USP2: variants seen among roughly 807,000 people sequenced by gnomAD.
USP2 encodes ubiquitin specific peptidase 2.
A neutral mutation model predicts 72.0 loss-of-function variants in USP2; 33 were observed. The observed-to-expected ratio is 0.46, with a 90% CI of 0.35 to 0.61. The LOEUF (loss-of-function observed/expected upper bound fraction) is 0.61. Among genes scored for constraint, USP2 ranks in the 20% least tolerant of loss-of-function variants. The pLI is 0.01. For synonymous variants in USP2, 296 were observed against 312.5 expected (o/e 0.95, Z 0.56); for missense variants, 691 against 797.8 (o/e 0.87, Z 1.61).
At chr11:119,356,962 C>G (rs377727221) in intron 12 of USP2, 40 bp from the exon 13 acceptor site, 3 of 1,545,206 alleles carry the variant, frequency 1.9e-6, no homozygotes, top group African/African-American at 2.7e-5. Context: ...GCGGGCAGGA[C>G]CGGGAGACCC....
intron 12 of USP2, 112 bp from the exon 13 acceptor site, chr11:119,357,034 C>T (rs1315527158): frequency 2.8e-6 from 4 of 1,420,408 alleles, no homozygotes; most frequent in African/African-American, 3.0e-5. Context: ...AGCCTCCCCA[C>T]GGGCAGCGGC....
chr11:119,381,339 T>C, intron 1 of USP2, 134 bp downstream of exon 1: 1 of 1,018,786 alleles, frequency 9.8e-7, no homozygotes. Flanking sequence ...GGAGCGTCCC[T>C]GCACAGCCGG....
At chr11:119,364,092 C>T (rs1950812290) in intron 2 of USP2, 1 of 1,257,476 alleles carries the variant, frequency 8.0e-7, no homozygotes, top group East Asian at 3.2e-5. Context: ...GACGCCGAGG[C>T]CGGCGAGACC....
At chr11:119,378,915 G>T (rs928056588) in intron 1 of USP2, 2 of 938,450 alleles carry the variant, frequency 2.1e-6, no homozygotes, top group African/African-American at 3.6e-5. Context: ...GCCCAATGGG[G>T]TGGCCTCTCA....
intron 1 of USP2, among the ~76,000 whole-genome samples, chr11:119,381,097 C>G (rs1565316328): frequency 6.6e-6 from 1 of 152,204 alleles, no homozygotes; most frequent in Non-Finnish European, 1.5e-5. Flanking sequence ...CCCTAACCCC[C>G]TTTAGCAAAC....
At chr11:119,368,999 G>A (rs549127007) in intron 2 of USP2, among the ~76,000 whole-genome samples, 20 of 152,350 alleles carry the variant, frequency 1.3e-4, no homozygotes, top group African/African-American at 4.8e-4. Flanking sequence ...TAGACCCCGG[G>A]AACAGGAGAA....
chr11:119,371,219 C>G (rs1950921606), intron 2 of USP2, among the ~76,000 whole-genome samples: 1 of 152,124 alleles, frequency 6.6e-6, no homozygotes, highest in Admixed American at 6.5e-5. Flanking sequence ...TGAAACAACC[C>G]TTCTCTTCTG....
At chr11:119,370,936 G>C (rs927497982) in intron 2 of USP2, among the ~76,000 whole-genome samples, 5 of 152,174 alleles carry the variant, frequency 3.3e-5, no homozygotes, top group Non-Finnish European at 5.9e-5. Flanking sequence ...TGCCTGTGTG[G>C]GGAGGAGGCA....
intron 1 of USP2, chr11:119,380,863 TC>T (rs1374395860): frequency 6.4e-6 from 1 of 155,482 alleles, no homozygotes; most frequent in Non-Finnish European, 1.4e-5. Flanking sequence ...TCCAGCTCAG[TC>T]CCATTCTAAA....
In USP2 at chr11:119,356,044, C is replaced by T. The variant is rs1356964599; in HGVS notation, c.*791G>A. The stretch of plus-strand genomic sequence containing the variant: ...GGAGGCAACTAAATTCCATTCAAAA[C>T]ATTAAAAAAAAAAAAAAAAAACCCA... On this transcript the variant is annotated 3_prime_UTR_variant, in exon 13 of 13. Transcript: ENST00000260187. 4 of 72,924 alleles carry T rather than the reference C, an allele frequency of 5.5e-5. No homozygotes were observed. Among genetic ancestry groups the T allele is most frequent in the African/African-American group, 2.1e-4 (4 of 19,220 alleles). 4.5% of individuals were successfully genotyped at this position (72,924 alleles called of 1,614,324 possible). A position where few individuals can be genotyped will look rare whatever the true frequency, so the allele number is the denominator to read the frequency against.
Position 119,358,129 on chromosome 11 carries a change from C to T in USP2, c.1341+20G>A, listed in dbSNP as rs74452020. 372 of 1,613,986 alleles carry T rather than the reference C, an allele frequency of 2.3e-4. 1 individual carries two copies. The East Asian group carries it at 2.9e-3, about 13-fold the overall frequency. On this transcript the variant is annotated intron_variant, in intron 8 of 12. Coordinates refer to ENST00000260187, the MANE Select transcript of USP2 (RefSeq NM_004205.5). Reference sequence around the variant, plus strand: ...GGACAGGAGAGGGAGTTCAACAAGGCGGGCAACTGGGGTGCATACCTTAGC... The same window carrying T: ...GGACAGGAGAGGGAGTTCAACAAGGTGGGCAACTGGGGTGCATACCTTAGC...
rs1951060347 is a variant in USP2 at position 119,381,645 on chromosome 11, C to T, written c.-214G>A. The T allele has an allele frequency of 1.6e-6, 2 of 1,265,406 alleles. No individual in the cohort carries two copies. Among genetic ancestry groups the T allele is most frequent in the East Asian group, 2.5e-5 (1 of 39,360 alleles). 78.4% of individuals were successfully genotyped at this position (1,265,406 alleles called of 1,614,324 possible). A position where few individuals can be genotyped will look rare whatever the true frequency, so the allele number is the denominator to read the frequency against. On this transcript the variant is annotated 5_prime_UTR_variant, in exon 1 of 13. Transcript: ENST00000260187. ...CCGCCGGGGGCCCAGAAGGGACCTC[C>T]CCGGGAAATCGGCGCCACCCAGCGG...
At chr11:119,377,785 A>T (rs1174902895) in intron 1 of USP2, among the ~76,000 whole-genome samples, 3 of 152,132 alleles carry the variant, frequency 2.0e-5, no homozygotes, top group Non-Finnish European at 4.4e-5. Flanking sequence ...TGTTGCTCAC[A>T]TGAAGGGCTC....
chr11:119,377,574 C>T (rs975416617), intron 1 of USP2, among the ~76,000 whole-genome samples: 3 of 152,184 alleles, frequency 2.0e-5, no homozygotes, highest in African/African-American at 7.2e-5. Flanking sequence ...GTGCCAAGCC[C>T]CTGCATGTCC....
Position 119,364,280 on chromosome 11 carries a change from A to C in USP2, c.775-4046T>G, listed in dbSNP as rs1294847079. 13 of 750,266 alleles carry C rather than the reference A, an allele frequency of 1.7e-5. No individual in the cohort carries two copies. In the Admixed American group the frequency reaches 7.3e-4, roughly 42 times the overall value. 46.5% of individuals were successfully genotyped at this position (750,266 alleles called of 1,614,324 possible). A position where few individuals can be genotyped will look rare whatever the true frequency, so the allele number is the denominator to read the frequency against. ...GGGGCCAGGCCCTAAGCCCCGCCCC[A>C]CCTCGCCTCTACCCCGCCCCCGGCG... On this transcript the variant is annotated intron_variant, in intron 2 of 12. Coordinates refer to ENST00000260187, the MANE Select transcript of USP2 (RefSeq NM_004205.5).
rs143947394 is a variant in USP2 at position 119,359,312 on chromosome 11, G to A, written c.980C>T (p.Thr327Ile). The stretch of plus-strand genomic sequence containing the variant: ...GCTCACCACATCATTGGGGGATGAA[G>A]TCCATATGGTCTGAATTAGTTTTGC... ...EFAKLIQTIW[T>I]SSPNDVVSPS... Residue 327 changes from threonine (T) to isoleucine (I), a missense_variant, in exon 5 of 13, where the codon ACT becomes ATT. By Grantham distance (89) the Thr-to-Ile change is moderately conservative. Transcript: ENST00000260187. The A allele has an allele frequency of 6.2e-7, 1 of 1,613,996 alleles. No individual in the cohort carries two copies.
intron 1 of USP2, among the ~76,000 whole-genome samples, chr11:119,379,950 C>A (rs1186743437): frequency 7.5e-6 from 1 of 132,666 alleles, no homozygotes; most frequent in Non-Finnish European, 1.5e-5. Flanking sequence ...ACGGAGTCTC[C>A]GTCGCCCAGG....
intron 7 of USP2, 105 bp from the exon 8 acceptor site, chr11:119,358,357 C>G: frequency 1.8e-6 from 2 of 1,096,148 alleles, no homozygotes; most frequent in South Asian, 2.8e-5. Context: ...TGCTCTGTCC[C>G]CCAGGCTGAA....
chr11:119,358,342 A>T, intron 7 of USP2, 90 bp from the exon 8 acceptor site: 1 of 1,240,566 alleles, frequency 8.1e-7, no homozygotes, highest in Non-Finnish European at 1.1e-6. Flanking sequence ...TTTGAGATGG[A>T]GTTTTGCTCT....
Sources: gnomAD v4.1 joint callset for allele counts (sites outside exome capture counted in the v4.1 genomes callset) on GRCh38, gnomAD v4.1.1 for gene constraint, MANE v1.5 for transcripts, NCBI Gene and HGNC (gene_info 2026-07-23, HGNC 2026-07-21) for gene names.